CACNA1H: variants seen among roughly 807,000 people sequenced by gnomAD.
CACNA1H encodes calcium voltage-gated channel subunit alpha1 H, also known as voltage-dependent T-type calcium channel subunit alpha-1H.
Under a neutral mutation model 192.5 loss-of-function variants are expected in CACNA1H, and 149 were observed. The observed-to-expected ratio is 0.77, with a 90% CI of 0.68 to 0.89. The LOEUF (loss-of-function observed/expected upper bound fraction) is 0.89, where lower values mean the gene tolerates loss of function less well. CACNA1H is among the 40% of genes least tolerant of loss of function. The pLI, the probability that CACNA1H is intolerant of heterozygous loss-of-function variation, is 0.00. For synonymous variants in CACNA1H, 2,202 were observed against 1,475.2 expected (o/e 1.49, Z -11.29); for missense variants, 4,257 against 3,423.5 (o/e 1.24, Z -6.08).
Position 1,207,078 on chromosome 16 carries a change from A to T in CACNA1H, c.2867A>T (p.Asn956Ile). 1 of 1,601,684 alleles carries T rather than the reference A, an allele frequency of 6.2e-7. No individual in the cohort carries two copies. The highest frequency in any genetic ancestry group is 8.5e-7 in the Non-Finnish European group (1 of 1,174,120). Residue 956 changes from asparagine to isoleucine, a missense_variant, in exon 13 of 35, where the codon AAC becomes ATC. Asn to Ile is a moderately radical substitution (Grantham distance 149). Coordinates refer to ENST00000348261, the MANE Select transcript of CACNA1H (RefSeq NM_021098.3). ...GGAGACACCGTGCCTGACAGGAAGA[A>T]CTTCGACTCCCTGCTGTGGGCCATC... ...DTGDTVPDRKNFDSLLWAIVT... is the reference protein window; with the variant it reads ...DTGDTVPDRKIFDSLLWAIVT...
chr16:1,155,029 G>A (rs937658937), intron 2 of CACNA1H, among the ~76,000 whole-genome samples: 3 of 152,232 alleles, frequency 2.0e-5, no homozygotes, highest in African/African-American at 2.4e-5. Flanking sequence ...GTCCCCCGTC[G>A]GAGGTGGGGA....
chr16:1,200,643 A>T, intron 7 of CACNA1H, 72 bp downstream of exon 7: 1 of 1,581,298 alleles, frequency 6.3e-7, no homozygotes, highest in Non-Finnish European at 8.6e-7. Flanking sequence ...CGCCCCCCCC[A>T]GCCCAGACCC....
At chr16:1,185,509 C>T (rs541260602) in intron 2 of CACNA1H, among the ~76,000 whole-genome samples, 1 of 143,880 alleles carries the variant, frequency 7.0e-6, no homozygotes, top group Non-Finnish European at 1.5e-5. Context: ...AGTCCCCCCC[C>T]CCGCCGAGTC....
chr16:1,164,250 G>A (rs903311964), intron 2 of CACNA1H, among the ~76,000 whole-genome samples: 1 of 152,254 alleles, frequency 6.6e-6, no homozygotes, highest in African/African-American at 2.4e-5. Context: ...ACGGGCGGCA[G>A]TGTCGTCAGT....
At chr16:1,170,054 C>T (rs1964207124) in intron 2 of CACNA1H, among the ~76,000 whole-genome samples, 1 of 152,194 alleles carries the variant, frequency 6.6e-6, no homozygotes, top group Admixed American at 6.5e-5. Flanking sequence ...GGGCTGAGCC[C>T]CCCTCCCCCG....
At position 1,213,760 on chromosome 16, in the gene CACNA1H, C is replaced by G; in HGVS notation, c.4778-20C>G. On this transcript the variant is annotated intron_variant, in intron 26 of 34. Transcript: ENST00000348261. ...CCGGGCGGCCCTCCTGCCCGGCGCT[C>G]ATGGCCGCCCTCCCCGCAGAGGCCC... The G allele has an allele frequency of 6.6e-7, 1 of 1,521,784 alleles. No homozygotes were observed. 94.3% of individuals were successfully genotyped at this position (1,521,784 alleles called of 1,614,324 possible).
chr16:1,219,480 C>T (rs1412031383), intron 34 of CACNA1H, among the ~76,000 whole-genome samples: 1 of 152,118 alleles, frequency 6.6e-6, no homozygotes, highest in East Asian at 1.9e-4. Context: ...GGCAGTTTCT[C>T]AGGCCCCATG....
intron 2 of CACNA1H, among the ~76,000 whole-genome samples, chr16:1,184,165 G>A (rs987011428): frequency 7.0e-4 from 106 of 152,342 alleles, no homozygotes; most frequent in African/African-American, 2.4e-3. Context: ...GGGGGCTTCC[G>A]GTGCTTCAGG....
In CACNA1H at chr16:1,202,417, C is replaced by A; in HGVS notation, c.1967C>A (p.Pro656His). The change falls in exon 9 of 35, where the codon CCC becomes CAC. Residue 656 changes from proline (P) to histidine (H), a missense_variant. By Grantham distance (77) the Pro-to-His change is moderately conservative. Coordinates refer to ENST00000348261, the MANE Select transcript of CACNA1H (RefSeq NM_021098.3). ...HGPLSLNSPD[P>H]YEKIPHVVGE... ...CCGTTGAGCTTGAACAGCCCTGATC[C>A]CTACGAGAAGATCCCGCATGTGGTC... 2.0e-6 allele frequency: 3 copies of A among 1,520,976 alleles called. No homozygotes were observed. The highest frequency in any genetic ancestry group is 2.7e-6 in the Non-Finnish European group (3 of 1,131,220). The allele number at this position is 1,520,976 out of a possible 1,614,324, so 94.2% of individuals were successfully genotyped here.
chr16:1,196,497 A>T (rs1260648586), intron 5 of CACNA1H, among the ~76,000 whole-genome samples: 1 of 151,544 alleles, frequency 6.6e-6, no homozygotes, highest in East Asian at 1.9e-4. Context: ...TGTCCTGAGG[A>T]CACCTCGCTC....
rs113984537 is a variant in CACNA1H at position 1,203,981 on chromosome 16, C to T, written c.2003-29C>T. 9.7e-4 allele frequency: 1,435 copies of T among 1,486,036 alleles called. 15 individuals carry two copies. In the African/African-American group the frequency reaches 0.018, roughly 18 times the overall value. The allele number at this position is 1,486,036 out of a possible 1,614,324, so 92.1% of individuals were successfully genotyped here. A position where few individuals can be genotyped will look rare whatever the true frequency, so the allele number is the denominator to read the frequency against. On this transcript the variant is annotated intron_variant, in intron 9 of 34. Transcript: ENST00000348261. Reference sequence around the variant, plus strand: ...CCTTGTGGCAGCACCACTGAGTGGGCCTGCCCCTGTCTGTGCCCTCTCCCG... The same window carrying T: ...CCTTGTGGCAGCACCACTGAGTGGGTCTGCCCCTGTCTGTGCCCTCTCCCG...
At chr16:1,196,102 C>T in intron 5 of CACNA1H, 79 bp downstream of exon 5, 1 of 1,130,820 alleles carries the variant, frequency 8.8e-7, no homozygotes, top group South Asian at 1.3e-5. Flanking sequence ...CAAAAGGGCC[C>T]CCAGGAGCAC....
At chr16:1,216,479 C>T (rs1321942627) in intron 30 of CACNA1H, among the ~76,000 whole-genome samples, 1 of 152,174 alleles carries the variant, frequency 6.6e-6, no homozygotes, top group Non-Finnish European at 1.5e-5. Flanking sequence ...GGGTGAGGCC[C>T]AGGCCCACCT....
At position 1,211,797 on chromosome 16, in the gene CACNA1H, G is replaced by A. The variant is rs555853603; in HGVS notation, c.4558G>A (p.Asp1520Asn). The A allele has an allele frequency of 2.9e-5, 46 of 1,612,536 alleles. No individual in the cohort carries two copies. Among genetic ancestry groups the A allele is most frequent in the Admixed American group, 1.7e-4 (10 of 60,028 alleles). The change falls in exon 24 of 35, where the codon GAC becomes AAC. Residue 1520 changes from aspartate (D) to asparagine (N), a missense_variant. By Grantham distance (23) the Asp-to-Asn change is conservative. Coordinates refer to ENST00000348261, the MANE Select transcript of CACNA1H (RefSeq NM_021098.3). ...CGACGGGCTGGATGCCGTGGGTGTC[G>A]ACCAGCAGGTGCGCACAGGCGGGTC... ...MYDGLDAVGV[D>N]QQPVQNHNPW...
Position 1,218,235 on chromosome 16 carries a change from A to C in CACNA1H, c.5471A>C (p.Glu1824Ala), listed in dbSNP as rs1970194636. Residue 1824 changes from glutamate to alanine, a missense_variant, in exon 33 of 35, where the codon GAG becomes GCG. Coordinates refer to ENST00000348261, the MANE Select transcript of CACNA1H (RefSeq NM_021098.3). ...MKDTLRECSR[E>A]DKHCLSYLPA... ...GACACGCTGCGCGAGTGCTCCCGTG[A>C]GGACAAGCACTGCCTGAGCTACCTG... 6.5e-7 allele frequency: 1 copy of C among 1,550,168 alleles called. No individual in the cohort carries two copies. The highest frequency in any genetic ancestry group is 1.2e-5 in the South Asian group (1 of 84,074).
intron 26 of CACNA1H, among the ~76,000 whole-genome samples, chr16:1,213,421 G>A (rs1311667983): frequency 6.6e-6 from 1 of 152,180 alleles, no homozygotes; most frequent in African/African-American, 2.4e-5. Context: ...GTTGGGATGT[G>A]GGGGAGCCAT....
rs1961810401 is a variant in CACNA1H, at chr16:1,153,204, G to A, written c.-285G>A. 1 of 144,460 alleles carries A rather than the reference G, an allele frequency of 6.9e-6. No individual in the cohort carries two copies. Among genetic ancestry groups the A allele is most frequent in the African/African-American group, 2.5e-5 (1 of 40,198 alleles). 8.9% of individuals were successfully genotyped at this position (144,460 alleles called of 1,614,324 possible). A position where few individuals can be genotyped will look rare whatever the true frequency, so the allele number is the denominator to read the frequency against. On this transcript the variant is annotated 5_prime_UTR_variant, in exon 1 of 35. Coordinates refer to ENST00000348261, the MANE Select transcript of CACNA1H (RefSeq NM_021098.3). ...CCCCGCGCCCCGCGCCCCGCGCCCC[G>A]GCCTCACCCGTCCGCTCAGCGGCCT...
chr16:1,186,844 G>A (rs939609180), intron 2 of CACNA1H, among the ~76,000 whole-genome samples: 4 of 152,198 alleles, frequency 2.6e-5, no homozygotes, highest in African/African-American at 7.2e-5. Context: ...CACCATGACC[G>A]GCAGACTTCA....
chr16:1,199,626 C>T (rs927665631), intron 6 of CACNA1H, among the ~76,000 whole-genome samples: 9 of 150,792 alleles, frequency 6.0e-5, no homozygotes, highest in Non-Finnish European at 1.3e-4. Context: ...GGCCCTTGCT[C>T]TGCAGTCTCT....
Sources: gnomAD v4.1 joint callset for allele counts (sites outside exome capture counted in the v4.1 genomes callset) on GRCh38, gnomAD v4.1.1 for gene constraint, MANE v1.5 for transcripts, NCBI Gene and HGNC (gene_info 2026-07-23, HGNC 2026-07-21) for gene names.